SFMBT2: variants seen among roughly 807,000 people sequenced by gnomAD.
SFMBT2 encodes scm-like with four MBT domains protein 2.
In SFMBT2, 38 loss-of-function variants were observed where a neutral mutation model predicts 110.1. The ratio of observed to expected loss-of-function variants is 0.35; its 90% CI spans 0.27 to 0.45. The LOEUF is 0.45. Among genes scored for constraint, SFMBT2 ranks in the 20% least tolerant of loss-of-function variants. The pLI is 1.00. For missense variants in SFMBT2, 1,011 were observed against 1,094.9 expected, an observed-to-expected ratio of 0.92 and a Z score of 1.08; for synonymous variants, 425 against 425.4, an observed-to-expected ratio of 1.00 and a Z score of 0.01.
chr10:7,364,246 AT>A (rs1378733530), intron 4 of SFMBT2, among the ~76,000 whole-genome samples: 5 of 152,246 alleles, frequency 3.3e-5, no homozygotes, highest in Non-Finnish European at 4.4e-5. Context: ...TCTTTAAAAA[AT>A]ATCACTGAAG....
At chr10:7,217,545 A>T (rs539631588) in intron 11 of SFMBT2, among the ~76,000 whole-genome samples, 2 of 152,278 alleles carry the variant, frequency 1.3e-5, no homozygotes, top group Admixed American at 1.3e-4. Context: ...GACTCCAAAA[A>T]AAGATGCTAA....
intron 2 of SFMBT2, among the ~76,000 whole-genome samples, chr10:7,378,969 A>G (rs1297613418): frequency 6.6e-6 from 1 of 152,128 alleles, no homozygotes; most frequent in East Asian, 1.9e-4. Context: ...CTTCTAACAC[A>G]GGGCTCAAGT....
rs140460228 is a variant in SFMBT2, at chr10:7,284,511, G to A, written c.526-361C>T. ...CCAAATTTGCCTGGACCTAGAAAAC[G>A]TGGTAGCAAACGGTCTACTTTTCCA... On this transcript the variant is annotated intron_variant, in intron 5 of 20. Coordinates refer to ENST00000397167, the MANE Select transcript of SFMBT2 (RefSeq NM_001387889.1). 6.1e-4 allele frequency: 448 copies of A among 739,182 alleles called. 4 individuals carry two copies. The African/African-American group carries it at 6.8e-3, about 11-fold the overall frequency. The allele number at this position is 739,182 out of a possible 1,614,324, so 45.8% of individuals were successfully genotyped here. A position where few individuals can be genotyped will look rare whatever the true frequency, so the allele number is the denominator to read the frequency against.
rs1846270500 is a variant in SFMBT2 at position 7,408,165 on chromosome 10, C to T, written c.-52+2696G>A. 6.6e-6 allele frequency among the ~76,000 whole-genome samples: 1 copy of T among 152,266 alleles called. No homozygotes were observed. The highest frequency in any genetic ancestry group is 1.5e-5 in the Non-Finnish European group (1 of 68,046). On this transcript the variant is annotated intron_variant, in intron 1 of 20. Coordinates refer to ENST00000397167, the MANE Select transcript of SFMBT2 (RefSeq NM_001387889.1). The surrounding 1 kb of genome is among the most constrained non-coding windows in gnomAD (Gnocchi z 5.7). ...GAGGGGTTCGCGGCTGAAACTGCAGCTTCGCAGCACAGAGCCATTTTAGGC... is the reference window on the plus strand; with the variant it reads ...GAGGGGTTCGCGGCTGAAACTGCAGTTTCGCAGCACAGAGCCATTTTAGGC...
chr10:7,228,725 TTCTTTCTTTCCTTTCTCTCTCTC>T (rs1839996548), intron 9 of SFMBT2, among the ~76,000 whole-genome samples: 3 of 108,538 alleles, frequency 2.8e-5, no homozygotes, highest in African/African-American at 4.3e-5. Flanking sequence ...CTTTCTTTCT[TTCTTTCTTTCCTTTCTCTCTCTC>T]TCTCTCTCTC....
intron 1 of SFMBT2, among the ~76,000 whole-genome samples, chr10:7,385,626 T>C (rs1845572069): frequency 6.6e-6 from 1 of 152,132 alleles, no homozygotes; most frequent in South Asian, 2.1e-4. Flanking sequence ...CTTAGAGCTA[T>C]GGACACAGGA....
At chr10:7,360,663 T>C (rs1346681475) in intron 4 of SFMBT2, among the ~76,000 whole-genome samples, 1 of 152,206 alleles carries the variant, frequency 6.6e-6, no homozygotes, top group Non-Finnish European at 1.5e-5. Context: ...GTGTAAATGA[T>C]AGATATTAAA....
chr10:7,285,231 T>C (rs1842053094), intron 5 of SFMBT2: 1 of 152,220 alleles, frequency 6.6e-6, no homozygotes. Context: ...CAAATACAAA[T>C]ACTACATATA....
chr10:7,339,954 G>A (rs2131981092), intron 4 of SFMBT2, among the ~76,000 whole-genome samples: 1 of 152,252 alleles, frequency 6.6e-6, no homozygotes, highest in Middle Eastern at 3.4e-3. Context: ...GTTTCTAAGT[G>A]AAAGACTCTC....
intron 9 of SFMBT2, chr10:7,228,413 T>C: frequency 1.2e-6 from 1 of 800,868 alleles, no homozygotes; most frequent in Non-Finnish European, 1.5e-6. Context: ...AGGGACGACT[T>C]TTTAAAAAGT....
intron 5 of SFMBT2, chr10:7,284,519 A>ATT: frequency 1.6e-6 from 1 of 632,312 alleles, no homozygotes; most frequent in Non-Finnish European, 2.0e-6. Flanking sequence ...ACGTGGTAGC[A>ATT]AACGGTCTAC....
At position 7,340,782 on chromosome 10, in the gene SFMBT2, C is replaced by T. The variant is rs529297612; in HGVS notation, c.436+26867G>A. Among the ~76,000 whole-genome samples the T allele has an allele frequency of 2.7e-5, 4 of 148,892 alleles. No individual in the cohort carries two copies. In the East Asian group the frequency reaches 7.8e-4, roughly 29 times the overall value. ...AGAGCAGATGGGAGCACACTGCCAA[C>T]CAGTGCGAGGTCCCAGCAGTCATTG... is the stretch of plus-strand genomic sequence containing the variant. On this transcript the variant is annotated intron_variant, in intron 4 of 20. Transcript: ENST00000397167.
intron 4 of SFMBT2, among the ~76,000 whole-genome samples, chr10:7,327,639 C>T (rs905603562): frequency 6.6e-6 from 1 of 151,580 alleles, no homozygotes; most frequent in Non-Finnish European, 1.5e-5. Context: ...TGAGATCATG[C>T]CACTGCACTC....
chr10:7,409,741 G>A (rs1036286866), intron 1 of SFMBT2, among the ~76,000 whole-genome samples: 1 of 151,844 alleles, frequency 6.6e-6, no homozygotes, highest in Middle Eastern at 3.2e-3. Context: ...CTAAGGGGTG[G>A]AAACTTCAGC....
intron 4 of SFMBT2, among the ~76,000 whole-genome samples, chr10:7,337,989 G>A (rs1843768720): frequency 6.6e-6 from 1 of 152,158 alleles, no homozygotes; most frequent in South Asian, 2.1e-4. Context: ...CTAACTCAGA[G>A]CTTTTCACTG....
At chr10:7,372,017 C>G (rs190717907) in intron 2 of SFMBT2, among the ~76,000 whole-genome samples, 1 of 151,196 alleles carries the variant, frequency 6.6e-6, no homozygotes, top group Admixed American at 6.6e-5. Flanking sequence ...ACCTCCACCC[C>G]CCAGGTTCAA....
chr10:7,291,899 G>A (rs1028354570), intron 4 of SFMBT2, among the ~76,000 whole-genome samples: 1 of 152,178 alleles, frequency 6.6e-6, no homozygotes, highest in Non-Finnish European at 1.5e-5. Flanking sequence ...ATGGAACCCT[G>A]TGATTTTCAG....
rs1259646014 is a variant in SFMBT2, at chr10:7,206,132, A to G, written c.1331-204T>C. On this transcript the variant is annotated intron_variant, in intron 11 of 20. Transcript: ENST00000397167. The stretch of plus-strand genomic sequence containing the variant: ...TATCAGAGACAAAACTCCTTGAAAT[A>G]TAAAAAGGCAGGAATAAAAGGGGTT... The G allele has an allele frequency of 8.1e-6, 8 of 985,354 alleles. No homozygotes were observed. In the African/African-American group the frequency reaches 1.2e-4, roughly 15 times the overall value. 61.0% of individuals were successfully genotyped at this position (985,354 alleles called of 1,614,324 possible).
intron 10 of SFMBT2, among the ~76,000 whole-genome samples, chr10:7,226,999 T>G (rs1040771396): frequency 6.6e-6 from 1 of 152,162 alleles, no homozygotes; most frequent in Non-Finnish European, 1.5e-5. Flanking sequence ...AATGCATGAC[T>G]GTAGTTTATA....
Sources: gnomAD v4.1 joint callset for allele counts (sites outside exome capture counted in the v4.1 genomes callset) on GRCh38, gnomAD v4.1.1 for gene constraint, Gnocchi (gnomAD v3.1) non-coding constraint, MANE v1.5 for transcripts, NCBI Gene and HGNC (gene_info 2026-07-23, HGNC 2026-07-21) for gene names.